FMN1: variants seen among roughly 807,000 people sequenced by gnomAD.
FMN1 encodes formin-1.
Under a neutral mutation model 132.4 loss-of-function variants are expected in FMN1, and 110 were observed. The observed-to-expected ratio is 0.83, with a 90% CI of 0.71 to 0.97. The LOEUF (loss-of-function observed/expected upper bound fraction) is 0.97. FMN1 is among the 50% of genes least tolerant of loss of function. The probability of loss-of-function intolerance (pLI) is 0.00; values close to 1 mark genes in which losing one functional copy is unlikely to be tolerated. For synonymous variants in FMN1, 722 were observed against 651.7 expected (o/e 1.11, Z -1.64); for missense variants, 1,792 against 1,705.3 (o/e 1.05, Z -0.90).
chr15:32,920,805 C>T (rs569376513), intron 10 of FMN1, among the ~76,000 whole-genome samples: 2 of 152,332 alleles, frequency 1.3e-5, no homozygotes, highest in South Asian at 4.1e-4. Flanking sequence ...TGTGAGCAAC[C>T]GTAGCAATTC....
intron 4 of FMN1, among the ~76,000 whole-genome samples, chr15:33,121,134 G>C (rs1443196961): frequency 1.3e-5 from 2 of 152,120 alleles, no homozygotes; most frequent in African/African-American, 4.8e-5. Context: ...CCCCATCTAT[G>C]ATTTACAGTC....
intron 8 of FMN1, among the ~76,000 whole-genome samples, chr15:32,966,724 G>A (rs1159385477): frequency 6.6e-6 from 1 of 152,138 alleles, no homozygotes; most frequent in Non-Finnish European, 1.5e-5. Context: ...TTTGTTTCTG[G>A]CTTCCCAGAA....
At chr15:32,926,813 C>T (rs1052118978) in intron 9 of FMN1, among the ~76,000 whole-genome samples, 8 of 152,152 alleles carry the variant, frequency 5.3e-5, no homozygotes, top group African/African-American at 1.4e-4. Flanking sequence ...GAGAGAAGGT[C>T]TAGCTCTGTC....
chr15:32,954,452 G>A (rs1184259777), intron 9 of FMN1, among the ~76,000 whole-genome samples: 3 of 152,160 alleles, frequency 2.0e-5, no homozygotes, highest in Non-Finnish European at 4.4e-5. Context: ...AAGAAGTCAT[G>A]ACCAGATCCT....
intron 7 of FMN1, among the ~76,000 whole-genome samples, chr15:32,994,590 A>G (rs2033654121): frequency 6.6e-6 from 1 of 152,190 alleles, no homozygotes. Context: ...TGAATGGACT[A>G]CAAGCTCCAA....
chr15:32,877,914 A>G (rs1378336015), intron 16 of FMN1, among the ~76,000 whole-genome samples: 8 of 152,270 alleles, frequency 5.3e-5, no homozygotes, highest in Admixed American at 2.0e-4. Flanking sequence ...AAATACGTGG[A>G]AAGTGCTGAC....
At chr15:33,065,269 T>C (rs1367307465) in intron 5 of FMN1, among the ~76,000 whole-genome samples, 195 bp from the exon 6 acceptor site, 2 of 151,462 alleles carry the variant, frequency 1.3e-5, no homozygotes, top group Non-Finnish European at 2.9e-5. Context: ...GAGGTGAAAA[T>C]TTAAAACTAC....
intron 3 of FMN1, among the ~76,000 whole-genome samples, chr15:33,171,359 T>C (rs749831788): frequency 5.3e-5 from 8 of 151,960 alleles, no homozygotes; most frequent in Non-Finnish European, 1.2e-4. Context: ...GAAGAGAAGA[T>C]CTGAAATGTT....
At chr15:33,073,730 TTG>T (rs1244534382) in intron 5 of FMN1, among the ~76,000 whole-genome samples, 5 of 117,052 alleles carry the variant, frequency 4.3e-5, no homozygotes, top group East Asian at 1.4e-3. Context: ...TTTACCTAGC[TTG>T]TTTTTTTTTT....
intron 9 of FMN1, among the ~76,000 whole-genome samples, chr15:32,939,552 G>T (rs1327207448): frequency 6.6e-6 from 1 of 151,922 alleles, no homozygotes; most frequent in Non-Finnish European, 1.5e-5. Flanking sequence ...AATTTATGTT[G>T]AACCATCTAT....
intron 12 of FMN1, among the ~76,000 whole-genome samples, chr15:32,906,937 T>A (rs1024941258): frequency 6.6e-6 from 1 of 152,120 alleles, no homozygotes; most frequent in Non-Finnish European, 1.5e-5. Context: ...AGAACCATCA[T>A]GTAGGTTTGT....
intron 18 of FMN1, among the ~76,000 whole-genome samples, chr15:32,799,948 T>G (rs2057420857): frequency 6.6e-6 from 1 of 152,020 alleles, no homozygotes. Flanking sequence ...TACTCAATGC[T>G]CTATCATCTG....
intron 9 of FMN1, among the ~76,000 whole-genome samples, chr15:32,930,387 C>T (rs2061081166): frequency 1.3e-5 from 2 of 151,594 alleles, no homozygotes; most frequent in South Asian, 4.2e-4. Context: ...TGTCTACATC[C>T]TCAAAAAAAC....
chr15:33,000,103 A>G (rs112917770), intron 7 of FMN1, among the ~76,000 whole-genome samples: 1 of 152,338 alleles, frequency 6.6e-6, no homozygotes, highest in Non-Finnish European at 1.5e-5. Context: ...TAGATGGACT[A>G]GAGACCTGCT....
intron 10 of FMN1, among the ~76,000 whole-genome samples, chr15:32,919,851 T>C (rs530721145): frequency 2.6e-4 from 39 of 152,284 alleles, no homozygotes; most frequent in African/African-American, 9.4e-4. Flanking sequence ...TGGCAATTAT[T>C]AAGGCAAAAG....
At chr15:32,780,446 G>T (rs1447384719) in intron 19 of FMN1, among the ~76,000 whole-genome samples, 1 of 152,204 alleles carries the variant, frequency 6.6e-6, no homozygotes, top group African/African-American at 2.4e-5. Flanking sequence ...AAGTTACCCT[G>T]TATGGTCTTA....
chr15:32,808,729 C>T (rs1448149203), intron 17 of FMN1, among the ~76,000 whole-genome samples: 1 of 152,152 alleles, frequency 6.6e-6, no homozygotes, highest in African/African-American at 2.4e-5. Flanking sequence ...AGAATGGCAG[C>T]CATTTATTGT....
chr15:33,188,062 C>T (rs1197557199), intron 2 of FMN1, among the ~76,000 whole-genome samples: 4 of 152,074 alleles, frequency 2.6e-5, no homozygotes, highest in African/African-American at 7.2e-5. Flanking sequence ...TGGCCGGGCA[C>T]GGTGGCTCAT....
chr15:32,953,821 A>G (rs1304884075), intron 9 of FMN1, among the ~76,000 whole-genome samples: 1 of 152,216 alleles, frequency 6.6e-6, no homozygotes, highest in African/African-American at 2.4e-5. Flanking sequence ...AGAATACTGT[A>G]TACCGGAAGG....
Sources: allele counts gnomAD v4.1 joint callset (sites outside exome capture counted in the v4.1 genomes callset), GRCh38; gene constraint gnomAD v4.1.1; transcripts MANE v1.5; gene names NCBI Gene and HGNC (gene_info 2026-07-23, HGNC 2026-07-21).